PGM2: variants seen among roughly 807,000 people sequenced by gnomAD.
PGM2 encodes phosphopentomutase.
PGM2 carries 57 observed loss-of-function variants against 74.6 expected under a neutral mutation model. That is an observed-to-expected ratio of 0.76 (90% CI 0.62 to 0.95). The LOEUF (loss-of-function observed/expected upper bound fraction) is 0.95. Among genes scored for constraint, PGM2 ranks in the 40% least tolerant of loss-of-function variants. The pLI is 0.00. For synonymous variants in PGM2, 273 were observed against 260.7 expected, an observed-to-expected ratio of 1.05 and a Z score of -0.46; for missense variants, 706 against 741.9, an observed-to-expected ratio of 0.95 and a Z score of 0.56.
chr4:37,857,908 T>G (rs972644814), intron 13 of PGM2, among the ~76,000 whole-genome samples: 3 of 152,210 alleles, frequency 2.0e-5, no homozygotes, highest in Admixed American at 1.3e-4. Flanking sequence ...TTCTTTATAA[T>G]TCTTGCTTAT....
chr4:37,849,285 A>G (rs1457977565), intron 11 of PGM2, among the ~76,000 whole-genome samples: 3 of 152,050 alleles, frequency 2.0e-5, no homozygotes, highest in Non-Finnish European at 4.4e-5. Flanking sequence ...CTGCCTTGCC[A>G]GTGTAGTGCG....
At chr4:37,851,322 C>T (rs186823786) in intron 12 of PGM2, among the ~76,000 whole-genome samples, 29 of 152,330 alleles carry the variant, frequency 1.9e-4, no homozygotes, top group African/African-American at 6.7e-4. Context: ...GCAACTGGTC[C>T]TCACTTTGAG....
chr4:37,844,562 A>ATT lies in PGM2; in HGVS notation c.909+17_909+18dup. The ATT allele has an allele frequency of 1.3e-6, 2 of 1,531,074 alleles. No homozygotes were observed. The highest frequency in any genetic ancestry group is 1.8e-6 in the Non-Finnish European group (2 of 1,123,026). 94.8% of individuals were successfully genotyped at this position (1,531,074 alleles called of 1,614,324 possible). On this transcript the variant is annotated intron_variant, in intron 7 of 13. Transcript: ENST00000381967. The stretch of plus-strand genomic sequence containing the variant: ...AGGGGAAAGGTGTCTTGGTAACCTA[A>ATT]TTTTTTTTTAAATTATGAAATCTGC...
intron 7 of PGM2, 115 bp from the exon 8 acceptor site, chr4:37,845,518 T>TA: frequency 1.4e-6 from 1 of 695,618 alleles, no homozygotes; most frequent in Non-Finnish European, 2.5e-6. Flanking sequence ...GGTCCTATAT[T>TA]ATCTTTCTAA....
At chr4:37,847,420 C>T (rs1384164839) in intron 10 of PGM2, 125 bp downstream of exon 10, 6 of 661,232 alleles carry the variant, frequency 9.1e-6, no homozygotes, top group African/African-American at 7.3e-5. Flanking sequence ...GGTTGAATGT[C>T]GAACTGTCCT....
chr4:37,835,733 G>A (rs547122868), intron 3 of PGM2, among the ~76,000 whole-genome samples: 4 of 152,336 alleles, frequency 2.6e-5, no homozygotes, highest in Admixed American at 6.5e-5. Context: ...GGGGACAAAC[G>A]TGTGGCCGTG....
intron 2 of PGM2, among the ~76,000 whole-genome samples, chr4:37,830,448 C>T (rs1013591010): frequency 4.6e-5 from 7 of 152,190 alleles, no homozygotes; most frequent in African/African-American, 1.7e-4. Flanking sequence ...AGTATAAATG[C>T]ACCAACTAAG....
At position 37,830,082 on chromosome 4, in the gene PGM2, G is replaced by A; in HGVS notation, c.200G>A (p.Gly67Glu). The change falls in exon 2 of 14, where the codon GGA becomes GAA. Residue 67 changes from glycine (G) to glutamate (E), a missense_variant. Gly to Glu is a moderately conservative substitution (Grantham distance 98). Around this residue, in one of 3 missense-constraint regions of PGM2, gnomAD observed 332 missense variants for 334.9 expected, o/e 0.99. Transcript: ENST00000381967. Reference sequence around the variant, plus strand: ...ACAGCTGGCCTCCGAGCTGCTATGGGACCTGGAATTTCTCGTATGAATGAC... The same window carrying A: ...ACAGCTGGCCTCCGAGCTGCTATGGAACCTGGAATTTCTCGTATGAATGAC... ...FGTAGLRAAM[G>E]PGISRMNDLT... 1 of 1,599,292 alleles carries A rather than the reference G, an allele frequency of 6.3e-7. No homozygotes were observed. Among genetic ancestry groups the A allele is most frequent in the Non-Finnish European group, 8.5e-7 (1 of 1,172,956 alleles).
At chr4:37,850,591 A>C (rs1473831262) in intron 12 of PGM2, among the ~76,000 whole-genome samples, 1 of 152,162 alleles carries the variant, frequency 6.6e-6, no homozygotes, top group Admixed American at 6.5e-5. Flanking sequence ...ACTTGAGATC[A>C]GGAGTTCGAG....
At chr4:37,839,249 G>A (rs942355940) in intron 4 of PGM2, among the ~76,000 whole-genome samples, 5 of 151,448 alleles carry the variant, frequency 3.3e-5, no homozygotes, top group African/African-American at 7.3e-5. Flanking sequence ...CTCCCAAGTA[G>A]CTGAGATTAC....
Position 37,845,671 on chromosome 4 carries a change from A to G in PGM2, c.948A>G (p.Arg316=). The change falls in exon 8 of 14, where the codon AGA becomes AGG. Residue 316 remains arginine (R), a synonymous_variant. Transcript: ENST00000381967. ...SFALADKTKA[R]IVLANDPDAD... ...CTTTGGCTGACAAAACCAAGGCCAG[A>G]ATTGTTTTAGCTAACGACCCGGATG... is the stretch of plus-strand genomic sequence containing the variant. 6.2e-7 allele frequency: 1 copy of G among 1,613,802 alleles called. No individual in the cohort carries two copies.
chr4:37,848,321 C>T (rs1430276806), intron 10 of PGM2, among the ~76,000 whole-genome samples: 1 of 152,204 alleles, frequency 6.6e-6, no homozygotes, highest in Non-Finnish European at 1.5e-5. Flanking sequence ...GAGGGAAAAT[C>T]TTGCAGGTTC....
rs765133927 is a variant in PGM2, at chr4:37,848,638, G to T, written c.1399G>T (p.Ala467Ser). Reference sequence around the variant, plus strand: ...TTTGTCTTTGTCTCAGCAACTAAAGGCCATTTATGTGGAGTAAGTTGTTAT... The same window carrying T: ...TTTGTCTTTGTCTCAGCAACTAAAGTCCATTTATGTGGAGTAAGTTGTTAT... ...KNLSLSQQLK[A>S]IYVEYGYHIT... Residue 467 changes from alanine (A) to serine (S), a missense_variant, in exon 11 of 14, where the codon GCC becomes TCC. By Grantham distance (99) the Ala-to-Ser change is moderately conservative (BLOSUM62 1). This residue lies in a region of PGM2 where 359 missense variants were observed against 371.1 expected (regional missense o/e 0.97). Transcript: ENST00000381967. 1.2e-6 allele frequency: 2 copies of T among 1,613,324 alleles called. No individual in the cohort carries two copies. The highest frequency in any genetic ancestry group is 1.7e-6 in the Non-Finnish European group (2 of 1,179,352).
At position 37,829,942 on chromosome 4, in the gene PGM2, T is replaced by C. The variant is rs200068716; in HGVS notation, c.82-22T>C. 1.3e-5 allele frequency: 20 copies of C among 1,536,204 alleles called. 1 individual carries two copies. In the African/African-American group the frequency reaches 2.3e-4, roughly 18 times the overall value. On this transcript the variant is annotated intron_variant, in intron 1 of 13. Transcript: ENST00000381967. ...TTTTTCATTCACTTGTCTGGCTGTG[T>C]CTATACATTTTTGTTTTTCAGAATT...
rs28544509 is a variant in PGM2, at chr4:37,846,914, T to G, written c.1008-17T>G. 57,733 of 1,504,012 alleles carry G rather than the reference T, an allele frequency of 0.038. 2,687 individuals carry two copies. Among genetic ancestry groups the G allele is most frequent in the African/African-American group, 0.19 (13,256 of 69,494 alleles). 93.2% of individuals were successfully genotyped at this position (1,504,012 alleles called of 1,614,324 possible). A position where few individuals can be genotyped will look rare whatever the true frequency, so the allele number is the denominator to read the frequency against. Reference sequence around the variant, plus strand: ...TTATGGAAATGAATGGTGGTTGTTGTTTTTTTTTTCTTTCAGTGGTGAATG... The same window carrying G: ...TTATGGAAATGAATGGTGGTTGTTGGTTTTTTTTTCTTTCAGTGGTGAATG... On this transcript the variant is annotated splice_polypyrimidine_tract_variant and intron_variant, in intron 8 of 13. Transcript: ENST00000381967.
intron 6 of PGM2, among the ~76,000 whole-genome samples, chr4:37,841,348 C>T (rs1725724675): frequency 6.6e-6 from 1 of 151,976 alleles, no homozygotes; most frequent in African/African-American, 2.4e-5. Flanking sequence ...AGAGGTGTAG[C>T]AGAGTGACAG....
At chr4:37,858,739 A>G (rs1711654344) in intron 13 of PGM2, among the ~76,000 whole-genome samples, 1 of 152,192 alleles carries the variant, frequency 6.6e-6, no homozygotes, top group South Asian at 2.1e-4. Flanking sequence ...AATTATTCAT[A>G]GAATTTCATG....
chr4:37,837,483 T>C, intron 3 of PGM2, 46 bp from the exon 4 acceptor site: 1 of 1,097,186 alleles, frequency 9.1e-7, no homozygotes, highest in Non-Finnish European at 1.4e-6. Flanking sequence ...CTCACAGTCC[T>C]GATCACTCAA....
chr4:37,844,081 G>A (rs1725801086), intron 6 of PGM2, among the ~76,000 whole-genome samples: 1 of 152,114 alleles, frequency 6.6e-6, no homozygotes, highest in South Asian at 2.1e-4. Flanking sequence ...AGTCTCGTGT[G>A]GGAACATGAG....
Sources: gnomAD v4.1 joint callset for allele counts (sites outside exome capture counted in the v4.1 genomes callset) on GRCh38, gnomAD v4.1.1 for gene constraint, gnomAD v4.1.1 regional missense constraint, MANE v1.5 for transcripts, NCBI Gene and HGNC (gene_info 2026-07-23, HGNC 2026-07-21) for gene names.